UBE2E2: variants seen among roughly 807,000 people sequenced by gnomAD.
UBE2E2 encodes ubiquitin conjugating enzyme E2 E2.
Under a neutral mutation model 24.7 loss-of-function variants are expected in UBE2E2, and 6 were observed. That is an observed-to-expected ratio of 0.24 (90% CI 0.13 to 0.48). The LOEUF (loss-of-function observed/expected upper bound fraction) is 0.48. Ranked by LOEUF, UBE2E2 falls within the 20% of genes least tolerant of loss-of-function variation. The pLI, the probability that UBE2E2 is intolerant of heterozygous loss-of-function variation, is 0.99. For missense variants in UBE2E2, 169 were observed against 245.0 expected, an observed-to-expected ratio of 0.69 and a Z score of 2.07; for synonymous variants, 104 against 83.6, an observed-to-expected ratio of 1.24 and a Z score of -1.33.
chr3:23,566,648 C>T (rs572813042), intron 5 of UBE2E2, among the ~76,000 whole-genome samples: 24 of 152,034 alleles, frequency 1.6e-4, no homozygotes, highest in Non-Finnish European at 2.9e-4. Flanking sequence ...GGAGCAAAAA[C>T]GAAAGCAAGA....
chr3:23,395,615 A>G (rs1301256013), intron 3 of UBE2E2, among the ~76,000 whole-genome samples: 3 of 152,184 alleles, frequency 2.0e-5, no homozygotes, highest in Admixed American at 6.5e-5. Context: ...TATCGAATTC[A>G]TATTTTGGAA....
At chr3:23,493,577 A>C (rs1699543440) in intron 3 of UBE2E2, among the ~76,000 whole-genome samples, 1 of 152,244 alleles carries the variant, frequency 6.6e-6, no homozygotes, top group South Asian at 2.1e-4. Context: ...AAGGGAATTG[A>C]TCATTTTCAG....
intron 3 of UBE2E2, among the ~76,000 whole-genome samples, chr3:23,317,249 G>A (rs549036675): frequency 6.6e-6 from 1 of 152,302 alleles, no homozygotes; most frequent in East Asian, 1.9e-4. Flanking sequence ...GGTAAAGCTT[G>A]TGAAAGTTCC....
At chr3:23,328,482 T>C (rs1694967736) in intron 3 of UBE2E2, among the ~76,000 whole-genome samples, 1 of 152,218 alleles carries the variant, frequency 6.6e-6, no homozygotes, top group African/African-American at 2.4e-5. Context: ...AATGTAAGTA[T>C]TCAAGCATGT....
chr3:23,214,350 C>G (rs1259829078), intron 2 of UBE2E2, among the ~76,000 whole-genome samples: 1 of 151,956 alleles, frequency 6.6e-6, no homozygotes, highest in Admixed American at 6.6e-5. Flanking sequence ...AATTCCTGGG[C>G]TCAAGTGATC....
chr3:23,217,376 T>C, intron 3 of UBE2E2, 64 bp downstream of exon 3: 1 of 1,420,690 alleles, frequency 7.0e-7, no homozygotes. Context: ...AACTGTTGGT[T>C]TTATATGCAG....
intron 2 of UBE2E2, among the ~76,000 whole-genome samples, chr3:23,213,626 G>A (rs1172864036): frequency 6.6e-6 from 1 of 152,080 alleles, no homozygotes; most frequent in Non-Finnish European, 1.5e-5. Context: ...GGAAATTTAG[G>A]TGATTGTTCA....
chr3:23,525,630 TATAA>T, intron 4 of UBE2E2, among the ~76,000 whole-genome samples: 2 of 152,380 alleles, frequency 1.3e-5, no homozygotes, highest in East Asian at 3.9e-4. Flanking sequence ...CAAATACAGC[TATAA>T]ATGCCAATGT....
intron 4 of UBE2E2, among the ~76,000 whole-genome samples, chr3:23,503,874 A>T (rs887655075): frequency 6.6e-6 from 1 of 151,622 alleles, no homozygotes; most frequent in Admixed American, 6.6e-5. Context: ...ATAAATAAGT[A>T]AAATTACTCC....
intron 4 of UBE2E2, among the ~76,000 whole-genome samples, chr3:23,525,178 C>G (rs928438017): frequency 6.6e-6 from 1 of 152,072 alleles, no homozygotes; most frequent in East Asian, 1.9e-4. Context: ...CTTAAAGTAC[C>G]CTTGAAATTA....
At chr3:23,236,753 A>C (rs368105199) in intron 3 of UBE2E2, among the ~76,000 whole-genome samples, 3 of 152,114 alleles carry the variant, frequency 2.0e-5, no homozygotes, top group East Asian at 1.9e-4. Flanking sequence ...GCGTTGGCCT[A>C]AGTGTACTCT....
At chr3:23,553,443 A>G (rs920228996) in intron 5 of UBE2E2, among the ~76,000 whole-genome samples, 2 of 152,180 alleles carry the variant, frequency 1.3e-5, no homozygotes, top group Non-Finnish European at 2.9e-5. Context: ...CTATAACTAT[A>G]GGGCCTTTGT....
rs1699676265 is a variant in UBE2E2 at position 23,499,594 on chromosome 3, ATG to A, written c.228-12_228-11del. On this transcript the variant is annotated splice_polypyrimidine_tract_variant and intron_variant, in intron 3 of 5. Coordinates refer to ENST00000396703, the MANE Select transcript of UBE2E2 (RefSeq NM_152653.4). ...TAATTTCTAAGCACATTTCATTTGT[ATG>A]TCTTATTTCAGTGCTGGACCCAAAG... 1.2e-6 allele frequency: 2 copies of A among 1,602,956 alleles called. No individual in the cohort carries two copies. Among genetic ancestry groups the A allele is most frequent in the Non-Finnish European group, 1.7e-6 (2 of 1,176,744 alleles).
chr3:23,574,827 A>C (rs536273494), intron 5 of UBE2E2, among the ~76,000 whole-genome samples: 6 of 152,186 alleles, frequency 3.9e-5, no homozygotes, highest in African/African-American at 1.2e-4. Context: ...GCTGCTTCAC[A>C]CAGTCACCAG....
chr3:23,299,905 G>T (rs62255344), intron 3 of UBE2E2, among the ~76,000 whole-genome samples: 53 of 151,906 alleles, frequency 3.5e-4, no homozygotes, highest in South Asian at 1.9e-3. Flanking sequence ...CCCATTATTA[G>T]TGTGTGGGAG....
chr3:23,417,200 G>T (rs535100616), intron 3 of UBE2E2, among the ~76,000 whole-genome samples: 6 of 152,266 alleles, frequency 3.9e-5, no homozygotes, highest in Non-Finnish European at 7.4e-5. Context: ...ACCTACCTTT[G>T]TTCTTTGATG....
chr3:23,301,327 G>A (rs570797466), intron 3 of UBE2E2, among the ~76,000 whole-genome samples: 118 of 152,314 alleles, frequency 7.7e-4, no homozygotes, highest in Admixed American at 1.3e-3. Flanking sequence ...TTGCTGGTGA[G>A]GAGCTGCGTT....
chr3:23,560,591 A>G (rs958944861), intron 5 of UBE2E2, among the ~76,000 whole-genome samples: 1 of 151,838 alleles, frequency 6.6e-6, no homozygotes, highest in East Asian at 1.9e-4. Flanking sequence ...CAGTAATGGG[A>G]TTGCTGGGTC....
intron 3 of UBE2E2, among the ~76,000 whole-genome samples, chr3:23,498,137 C>T (rs1194075826): frequency 6.6e-6 from 1 of 151,632 alleles, no homozygotes; most frequent in African/African-American, 2.4e-5. Context: ...TTAGTTGATT[C>T]TTAGGAACTT....
Sources: allele counts gnomAD v4.1 joint callset (sites outside exome capture counted in the v4.1 genomes callset), GRCh38; gene constraint gnomAD v4.1.1; transcripts MANE v1.5; gene names NCBI Gene and HGNC (gene_info 2026-07-23, HGNC 2026-07-21).